Variants in CHD9 observed in about 807,000 individuals in gnomAD.
CHD9 encodes the protein ATP-dependent chromatin remodeler CHD9.
CHD9 carries 77 observed loss-of-function variants against 316.1 expected under a neutral mutation model. The observed-to-expected ratio is 0.24, with a 90% CI of 0.20 to 0.29. The LOEUF (loss-of-function observed/expected upper bound fraction) is 0.29, where lower values mean the gene tolerates loss of function less well. Ranked by LOEUF, CHD9 falls within the 10% of genes least tolerant of loss-of-function variation. The pLI is 1.00. For synonymous variants in CHD9, 1,129 were observed against 1,158.3 expected (o/e 0.97, Z 0.51); for missense variants, 2,763 against 3,438.1 (o/e 0.80, Z 4.91).
In CHD9 at chr16:53,156,412, A is replaced by G. The variant is rs1597199031; in HGVS notation, c.323A>G (p.Gln108Arg). The change falls in exon 2 of 39, where the codon CAA becomes CGA. Residue 108 changes from glutamine to arginine, a missense_variant. Around this residue, in one of 15 missense-constraint regions of CHD9, gnomAD observed 859 missense variants for 890.4 expected, o/e 0.96. Transcript: ENST00000447540. The stretch of plus-strand genomic sequence containing the variant: ...TTTAATTGTTCTCCAATCCATCCCC[A>G]AAACCAACCCAATGGTTTGTTTCCA... ...SQFNCSPIHP[Q>R]NQPNGLFPDV... The G allele has an allele frequency of 6.2e-7, 1 of 1,614,014 alleles. No individual in the cohort carries two copies. The highest frequency in any genetic ancestry group is 8.5e-7 in the Non-Finnish European group (1 of 1,179,896).
chr16:53,094,424 G>A (rs566198313), intron 1 of CHD9, among the ~76,000 whole-genome samples: 2 of 152,172 alleles, frequency 1.3e-5, no homozygotes, highest in African/African-American at 2.4e-5. Flanking sequence ...TGGCTGGGCC[G>A]GGGTGTTTCC....
intron 1 of CHD9, among the ~76,000 whole-genome samples, chr16:53,124,453 T>C (rs1210159032): frequency 6.7e-6 from 1 of 149,486 alleles, no homozygotes; most frequent in Non-Finnish European, 1.5e-5. Flanking sequence ...AACCATCAGA[T>C]CTGGTGAGAC....
intron 2 of CHD9, among the ~76,000 whole-genome samples, chr16:53,174,199 A>C (rs990060423): frequency 6.6e-5 from 10 of 152,196 alleles, no homozygotes; most frequent in Non-Finnish European, 1.3e-4. Flanking sequence ...TGAGAGGATC[A>C]CTTGAGCCCA....
rs2033144059 is a variant in CHD9 at position 53,063,380 on chromosome 16, A to G, written c.-165+8303A>G. Among the ~76,000 whole-genome samples the G allele has an allele frequency of 2.6e-5, 4 of 151,706 alleles. No homozygotes were observed. In the South Asian group the frequency reaches 8.3e-4, roughly 32 times the overall value. On this transcript the variant is annotated intron_variant, in intron 1 of 38. Coordinates refer to ENST00000447540, the MANE Select transcript of CHD9 (RefSeq NM_001308319.2). ...ATTTCACACACACACACACACACAC[A>G]CACACACACACACACACACACAAAA...
intron 7 of CHD9, among the ~76,000 whole-genome samples, chr16:53,228,241 T>C (rs2047825167): frequency 6.6e-6 from 1 of 152,094 alleles, no homozygotes; most frequent in East Asian, 1.9e-4. Context: ...AAAATACATT[T>C]CTAATCTACT....
intron 15 of CHD9, among the ~76,000 whole-genome samples, chr16:53,246,890 A>G (rs1234468615): frequency 6.6e-6 from 1 of 152,162 alleles, no homozygotes; most frequent in African/African-American, 2.4e-5. Flanking sequence ...CAGATCAACT[A>G]TGATCATCCT....
intron 2 of CHD9, among the ~76,000 whole-genome samples, chr16:53,178,363 C>T (rs1015945781): frequency 1.1e-4 from 16 of 151,524 alleles, no homozygotes; most frequent in Middle Eastern, 3.4e-3. Context: ...CTACTTTGGG[C>T]TCCATATCTT....
At chr16:53,296,829 C>T in intron 29 of CHD9, 127 bp from the exon 30 acceptor site, 1 of 600,354 alleles carries the variant, frequency 1.7e-6, no homozygotes, top group Non-Finnish European at 2.8e-6. Context: ...AGGCAGCAAG[C>T]TTGTATTTAA....
At chr16:53,317,228 T>A (rs2056956468) in intron 36 of CHD9, among the ~76,000 whole-genome samples, 3 of 149,226 alleles carry the variant, frequency 2.0e-5, no homozygotes. Flanking sequence ...CAGTGACTAG[T>A]CTAATATTCC....
intron 16 of CHD9, among the ~76,000 whole-genome samples, chr16:53,248,429 A>G (rs1280087194): frequency 1.3e-5 from 2 of 151,676 alleles, no homozygotes; most frequent in African/African-American, 4.8e-5. Flanking sequence ...TCCATCTGAT[A>G]GTAACATATT....
intron 1 of CHD9, among the ~76,000 whole-genome samples, chr16:53,131,562 G>C (rs147203355): frequency 6.6e-6 from 1 of 151,334 alleles, no homozygotes; most frequent in Non-Finnish European, 1.5e-5. Flanking sequence ...GTCGGGACAC[G>C]GCAGCCGCGC....
At chr16:53,210,822 A>T (rs986806902) in intron 3 of CHD9, among the ~76,000 whole-genome samples, 1 of 152,106 alleles carries the variant, frequency 6.6e-6, no homozygotes, top group Non-Finnish European at 1.5e-5. Context: ...CAAATTATTT[A>T]GTTTGGTCCT....
intron 22 of CHD9, among the ~76,000 whole-genome samples, chr16:53,272,123 CA>C (rs1293974897): frequency 1.3e-5 from 2 of 151,642 alleles, no homozygotes; most frequent in Non-Finnish European, 2.9e-5. Context: ...TATTAAACAC[CA>C]AACAAGCTTA....
intron 2 of CHD9, among the ~76,000 whole-genome samples, chr16:53,196,344 A>G (rs1390358348): frequency 6.6e-6 from 1 of 152,156 alleles, no homozygotes; most frequent in African/African-American, 2.4e-5. Flanking sequence ...CTAATGTCCC[A>G]TCCCTAACCT....
rs780151512 is a variant in CHD9 at position 53,324,709 on chromosome 16, G to T, written c.8508G>T (p.Ser2836=). The T allele has an allele frequency of 6.8e-6, 11 of 1,613,094 alleles. No homozygotes were observed. Among genetic ancestry groups the T allele is most frequent in the East Asian group, 2.2e-5 (1 of 44,854 alleles). Residue 2836 remains serine, a synonymous_variant, in exon 39 of 39, where the codon TCG becomes TCT. Transcript: ENST00000447540. Reference sequence around the variant, plus strand: ...AAAACAAAAACAGTGACTTAGGCTCGTCTAAGTCTGTAGAAGTAAAAGAAG... The same window carrying T: ...AAAACAAAAACAGTGACTTAGGCTCTTCTAAGTCTGTAGAAGTAAAAGAAG... ...DVQNKNSDLG[S]SKSVEVKEED...
intron 2 of CHD9, among the ~76,000 whole-genome samples, chr16:53,170,055 T>G (rs901030361): frequency 2.0e-5 from 3 of 149,928 alleles, no homozygotes; most frequent in Admixed American, 6.6e-5. Context: ...TTTTGTTTTT[T>G]TTTGTTTGTT....
intron 38 of CHD9, among the ~76,000 whole-genome samples, chr16:53,323,066 A>T (rs2057378047): frequency 6.6e-6 from 1 of 152,244 alleles, no homozygotes; most frequent in Non-Finnish European, 1.5e-5. Flanking sequence ...CACAAACAGT[A>T]GCCCCTCAGT....
chr16:53,235,325 T>C lies in CHD9; in HGVS notation c.2633+19T>C, dbSNP rs552768507. The C allele has an allele frequency of 2.0e-6, 3 of 1,492,036 alleles. No individual in the cohort carries two copies. In the African/African-American group the frequency reaches 4.3e-5, roughly 21 times the overall value. 92.4% of individuals were successfully genotyped at this position (1,492,036 alleles called of 1,614,324 possible). ...ACAATAGGTATGTAGTATATCTTAATAAAAAAAATTTATTTTTTTAATGTG... is the reference window on the plus strand; with the variant it reads ...ACAATAGGTATGTAGTATATCTTAACAAAAAAAATTTATTTTTTTAATGTG... On this transcript the variant is annotated intron_variant, in intron 11 of 38. Coordinates refer to ENST00000447540, the MANE Select transcript of CHD9 (RefSeq NM_001308319.2).
At chr16:53,313,656 A>C (rs1431657937) in intron 34 of CHD9, among the ~76,000 whole-genome samples, 2 of 151,932 alleles carry the variant, frequency 1.3e-5, no homozygotes, top group Non-Finnish European at 2.9e-5. Context: ...TAAGTTTAGA[A>C]AAATCTGGCC....
Sources: allele counts gnomAD v4.1 joint callset (sites outside exome capture counted in the v4.1 genomes callset), GRCh38; gene constraint gnomAD v4.1.1; regional missense constraint gnomAD v4.1.1; transcripts MANE v1.5; gene names NCBI Gene and HGNC (gene_info 2026-07-23, HGNC 2026-07-21).